The following CELSR1 variants were observed in gnomAD, a reference collection of about 807,000 sequenced individuals.
The protein encoded by CELSR1 is adhesion G protein-coupled receptor C1.
CELSR1 carries 110 observed loss-of-function variants against 249.1 expected under a neutral mutation model. The observed-to-expected ratio is 0.44, with a 90% CI of 0.38 to 0.52. The LOEUF (loss-of-function observed/expected upper bound fraction) is 0.52. CELSR1 is among the 20% of genes least tolerant of loss of function. The pLI, the probability that CELSR1 is intolerant of heterozygous loss-of-function variation, is 0.00. For synonymous variants in CELSR1, 2,113 were observed against 1,900.0 expected (o/e 1.11, Z -2.92); for missense variants, 4,109 against 4,296.4 (o/e 0.96, Z 1.22).
In CELSR1 at chr22:46,407,935, C is replaced by T. The variant is rs1197027227; in HGVS notation, c.5226+1061G>A. On this transcript the variant is annotated intron_variant, in intron 9 of 34. Transcript: ENST00000674500. The surrounding 1 kb of genome is among the most constrained non-coding windows in gnomAD (Gnocchi z 4.8). ...CGAGAATGACCTTCAGATGCACAGGCAGAGGGGCAAGAGGGCAAGCCGAGG... is the reference window on the plus strand; with the variant it reads ...CGAGAATGACCTTCAGATGCACAGGTAGAGGGGCAAGAGGGCAAGCCGAGG... 6.6e-6 allele frequency among the ~76,000 whole-genome samples: 1 copy of T among 152,202 alleles called. No homozygotes were observed. Among genetic ancestry groups the T allele is most frequent in the Non-Finnish European group, 1.5e-5 (1 of 68,036 alleles).
intron 5 of CELSR1, among the ~76,000 whole-genome samples, chr22:46,426,849 G>T (rs1438825749): frequency 1.3e-5 from 2 of 152,176 alleles, no homozygotes; most frequent in Non-Finnish European, 2.9e-5. Context: ...ATGGGCCTTC[G>T]CCAGGCCCCA....
intron 1 of CELSR1, among the ~76,000 whole-genome samples, chr22:46,466,995 T>C (rs742405): frequency 0.48 from 72,604 of 152,120 alleles, 17,543 homozygotes; most frequent in South Asian, 0.53. Context: ...AACCTGGCCG[T>C]GCTGCCTCCC....
intron 18 of CELSR1, among the ~76,000 whole-genome samples, chr22:46,388,697 G>A (rs1311539088): frequency 6.6e-6 from 1 of 152,230 alleles, no homozygotes; most frequent in Non-Finnish European, 1.5e-5. Flanking sequence ...GCCCCCGAAA[G>A]CAGTTTCCAA....
At chr22:46,422,059 CTTCT>C (rs937061491) in intron 5 of CELSR1, among the ~76,000 whole-genome samples, 8 of 152,204 alleles carry the variant, frequency 5.3e-5, no homozygotes, top group East Asian at 1.9e-4. Context: ...AAAAGTTTAG[CTTCT>C]TTATCTTACA....
chr22:46,438,332 C>T (rs2079691322), intron 3 of CELSR1, among the ~76,000 whole-genome samples: 1 of 152,108 alleles, frequency 6.6e-6, no homozygotes, highest in Non-Finnish European at 1.5e-5. Flanking sequence ...ATGAAAGCAC[C>T]CACCTGAAAC....
intron 5 of CELSR1, among the ~76,000 whole-genome samples, chr22:46,421,771 T>A (rs115919926): frequency 6.6e-6 from 1 of 152,190 alleles, no homozygotes; most frequent in Non-Finnish European, 1.5e-5. Flanking sequence ...CACCAACTGA[T>A]GGGAGCACGT....
At chr22:46,372,320 CCACT>C (rs897701671) in intron 25 of CELSR1, among the ~76,000 whole-genome samples, 3 of 147,984 alleles carry the variant, frequency 2.0e-5, no homozygotes, top group Non-Finnish European at 4.5e-5. Context: ...ATCCATCCAT[CCACT>C]CACTCACCCC....
intron 2 of CELSR1, among the ~76,000 whole-genome samples, chr22:46,460,205 A>C (rs9680608): frequency 5.1e-4 from 68 of 134,568 alleles, no homozygotes; most frequent in South Asian, 1.2e-3. Context: ...ACACACACAC[A>C]CACACACACA....
intron 5 of CELSR1, among the ~76,000 whole-genome samples, chr22:46,424,976 C>G (rs1412890395): frequency 6.6e-6 from 1 of 152,178 alleles, no homozygotes; most frequent in Non-Finnish European, 1.5e-5. Context: ...GTCTGAAAAG[C>G]AAACAAACAA....
Position 46,366,491 on chromosome 22 carries a change from G to A in CELSR1, c.8206-11C>T, listed in dbSNP as rs969291188. On this transcript the variant is annotated splice_polypyrimidine_tract_variant and intron_variant, in intron 29 of 34. Coordinates refer to ENST00000674500, the MANE Select transcript of CELSR1 (RefSeq NM_001378328.1). ...GCAGTTGAGGGAGCGCTGAAGGGAG[G>A]GGAGGGGCTGGTCACTGCCAAGTGG... is the stretch of plus-strand genomic sequence containing the variant. The A allele has an allele frequency of 1.9e-6, 3 of 1,547,210 alleles. No homozygotes were observed. The highest frequency in any genetic ancestry group is 1.7e-6 in the Non-Finnish European group (2 of 1,144,032).
rs1327276393 is a variant in CELSR1 at position 46,365,229 on chromosome 22, A to G, written c.8554+2T>C. On this transcript the variant is annotated splice_donor_variant, in intron 32 of 34. Transcript: ENST00000674500. LOFTEE classifies it high-confidence loss of function. Reference sequence around the variant, plus strand: ...CTGGCCCAATGTGCCCCACACACTCACCTTTGGGGGTGCTGTGGACGGCGC... The same window carrying G: ...CTGGCCCAATGTGCCCCACACACTCGCCTTTGGGGGTGCTGTGGACGGCGC... The G allele has an allele frequency of 7.4e-6, 12 of 1,610,870 alleles. No homozygotes were observed. In the African/African-American group the frequency reaches 1.2e-4, roughly 16 times the overall value.
intron 2 of CELSR1, among the ~76,000 whole-genome samples, chr22:46,458,679 G>C (rs1463679230): frequency 6.6e-6 from 1 of 152,184 alleles, no homozygotes; most frequent in African/African-American, 2.4e-5. Context: ...CCTCCCAGGA[G>C]CAGCTGTGAG....
chr22:46,376,609 A>C (rs2078920578), intron 24 of CELSR1, among the ~76,000 whole-genome samples: 1 of 152,122 alleles, frequency 6.6e-6, no homozygotes, highest in Admixed American at 6.6e-5. Context: ...ACCTCAAGTG[A>C]TCTGCCTGCC....
chr22:46,474,840 C>T (rs1251405006), intron 1 of CELSR1, among the ~76,000 whole-genome samples: 3 of 138,124 alleles, frequency 2.2e-5, no homozygotes, highest in African/African-American at 7.9e-5. Context: ...CCACCCTGAA[C>T]TCAAGCTGCA....
At chr22:46,365,508 C>A in intron 31 of CELSR1, 78 bp downstream of exon 31, 2 of 1,539,034 alleles carry the variant, frequency 1.3e-6, no homozygotes, top group Non-Finnish European at 1.8e-6. Context: ...AGTGCTTCTT[C>A]AGGGGCAGTC....
At chr22:46,438,923 C>A (rs1282191694) in intron 3 of CELSR1, among the ~76,000 whole-genome samples, 1 of 152,068 alleles carries the variant, frequency 6.6e-6, no homozygotes, top group East Asian at 1.9e-4. Flanking sequence ...GTATCCAGCT[C>A]ATTTTTGTGT....
At position 46,381,784 on chromosome 22, in the gene CELSR1, T is replaced by C; in HGVS notation, c.7088+62A>G. ...CTTGATCAGGATCAGGATTTTGACC[T>C]GTGGAAGCCTCAGGAGCCTCCAGAA... is the stretch of plus-strand genomic sequence containing the variant. On this transcript the variant is annotated intron_variant, in intron 21 of 34. Transcript: ENST00000674500. The surrounding 1 kb of genome is among the most constrained non-coding windows in gnomAD (Gnocchi z 6.0). The C allele has an allele frequency of 1.4e-6, 2 of 1,425,476 alleles. No individual in the cohort carries two copies. Among genetic ancestry groups the C allele is most frequent in the South Asian group, 1.2e-5 (1 of 80,524 alleles). 88.3% of individuals were successfully genotyped at this position (1,425,476 alleles called of 1,614,324 possible).
At position 46,463,819 on chromosome 22, in the gene CELSR1, G is replaced by A. The variant is rs748426091; in HGVS notation, c.4071C>T (p.Gly1357=). ...GGTCGATCTCCGTCTCGCAGTAGTC[G>A]CCGGTGAAGCCGGGCGGGCAGCGGC... ...LRCRCPPGFT[G]DYCETEIDLC... The change falls in exon 2 of 35, where the codon GGC becomes GGT. Residue 1357 remains glycine, a synonymous_variant. Coordinates refer to ENST00000674500, the MANE Select transcript of CELSR1 (RefSeq NM_001378328.1). The A allele has an allele frequency of 1.9e-5, 30 of 1,610,726 alleles. No individual in the cohort carries two copies. The highest frequency in any genetic ancestry group is 4.0e-5 in the African/African-American group (3 of 74,910).
rs1237671528 is a variant in CELSR1, at chr22:46,527,861, TG to T, written c.3544+5765del. ...CTGTAATCCCAGCATTTTGGGAGGCTGAGGCGGGCGGATAGCCTGAGGTCAG... is the reference window on the plus strand; with the variant it reads ...CTGTAATCCCAGCATTTTGGGAGGCTAGGCGGGCGGATAGCCTGAGGTCAG... On this transcript the variant is annotated intron_variant, in intron 1 of 34. Transcript: ENST00000674500. This position sits in a 1 kb window ranked among gnomAD's most constrained non-coding sequence, Gnocchi z 5.5. Among the ~76,000 whole-genome samples the T allele has an allele frequency of 6.6e-6, 1 of 152,128 alleles. No individual in the cohort carries two copies. The highest frequency in any genetic ancestry group is 1.5e-5 in the Non-Finnish European group (1 of 68,006).
Sources: gnomAD v4.1 joint callset for allele counts (sites outside exome capture counted in the v4.1 genomes callset) on GRCh38, gnomAD v4.1.1 for gene constraint, Gnocchi (gnomAD v3.1) non-coding constraint, MANE v1.5 for transcripts, NCBI Gene and HGNC (gene_info 2026-07-23, HGNC 2026-07-21) for gene names.